The following SLC13A4 variants were observed in gnomAD, a reference collection of about 807,000 sequenced individuals.
SLC13A4 encodes the protein Na(+)/sulfate cotransporter SUT-1.
SLC13A4 carries 28 observed loss-of-function variants against 72.7 expected under a neutral mutation model. The observed-to-expected ratio is 0.39, with a 90% CI of 0.29 to 0.53. The LOEUF (loss-of-function observed/expected upper bound fraction) is 0.53, where lower values mean the gene tolerates loss of function less well. Among genes scored for constraint, SLC13A4 ranks in the 20% least tolerant of loss-of-function variants. The pLI, the probability that SLC13A4 is intolerant of heterozygous loss-of-function variation, is 0.78. For synonymous variants in SLC13A4, 312 were observed against 325.5 expected, an observed-to-expected ratio of 0.96 and a Z score of 0.45; for missense variants, 653 against 788.0, an observed-to-expected ratio of 0.83 and a Z score of 2.05.
At chr7:135,721,617 AC>A in intron 1 of SLC13A4, 94 bp from the exon 2 acceptor site, 1 of 1,517,512 alleles carries the variant, frequency 6.6e-7, no homozygotes, top group Non-Finnish European at 9.0e-7. Context: ...GCAGACTCAG[AC>A]TGTAACGCGG....
At chr7:135,692,215 G>T in intron 11 of SLC13A4, 108 bp downstream of exon 11, 1 of 817,548 alleles carries the variant, frequency 1.2e-6, no homozygotes, top group South Asian at 1.5e-5. Flanking sequence ...GGATTTCCTG[G>T]GGAATGAAAT....
intron 2 of SLC13A4, among the ~76,000 whole-genome samples, chr7:135,719,033 A>T (rs1390047297): frequency 6.6e-6 from 1 of 152,218 alleles, no homozygotes; most frequent in East Asian, 1.9e-4. Flanking sequence ...TCATCAGCCA[A>T]AGCCACGTCA....
chr7:135,691,301 C>T lies in SLC13A4; in HGVS notation c.1346G>A (p.Gly449Glu). 1 of 1,613,554 alleles carries T rather than the reference C, an allele frequency of 6.2e-7. No homozygotes were observed. Among genetic ancestry groups the T allele is most frequent in the Non-Finnish European group, 8.5e-7 (1 of 1,179,792 alleles). ...CTTCCACGTGATGATGGGCTCGGTCCCCAGTGAGTGCTCCTGGTTCTCTCC... is the reference window on the plus strand; with the variant it reads ...CTTCCACGTGATGATGGGCTCGGTCTCCAGTGAGTGCTCCTGGTTCTCTCC... ...NDGENQEHSL[G>E]TEPIITWKDF... is the part of the protein sequence containing the mutation. The change falls in exon 13 of 16, where the codon GGG (glycine) becomes GAG (glutamate). Residue 449 changes from glycine (G) to glutamate (E), a missense_variant. Gly to Glu is a moderately conservative substitution (Grantham distance 98). Transcript: ENST00000682651.
intron 2 of SLC13A4, among the ~76,000 whole-genome samples, chr7:135,716,566 GCCTCC>G (rs1229137151): frequency 1.1e-4 from 16 of 152,340 alleles, no homozygotes; most frequent in Admixed American, 8.5e-4. Flanking sequence ...GCCTGCCTTG[GCCTCC>G]CAAAGTGCTG....
intron 8 of SLC13A4, 41 bp from the exon 9 acceptor site, chr7:135,695,528 G>T (rs765344932): frequency 7.0e-5 from 112 of 1,596,464 alleles, no homozygotes; most frequent in Non-Finnish European, 9.1e-5. Context: ...GAAAGGGAGG[G>T]TTTCCATATG....
chr7:135,714,877 G>A (rs1186435546), intron 2 of SLC13A4, among the ~76,000 whole-genome samples: 1 of 152,236 alleles, frequency 6.6e-6, no homozygotes, highest in African/African-American at 2.4e-5. Flanking sequence ...CTGCCCCTGC[G>A]GGAGCTGGAA....
chr7:135,685,387 G>A, intron 14 of SLC13A4, 135 bp downstream of exon 14: 1 of 656,130 alleles, frequency 1.5e-6, no homozygotes, highest in South Asian at 2.6e-5. Context: ...AATAGGAATT[G>A]AACACCAATT....
chr7:135,699,167 C>G (rs1306359370), intron 8 of SLC13A4, among the ~76,000 whole-genome samples, 197 bp downstream of exon 8: 1 of 152,122 alleles, frequency 6.6e-6, no homozygotes, highest in Admixed American at 6.6e-5. Flanking sequence ...TTTTGAACTC[C>G]TAGGCTCAAG....
chr7:135,723,161 T>A (rs531044061), intron 1 of SLC13A4, among the ~76,000 whole-genome samples: 4 of 152,260 alleles, frequency 2.6e-5, no homozygotes, highest in African/African-American at 9.6e-5. Flanking sequence ...GGTCTGGTTC[T>A]CGTTGCTCTT....
At chr7:135,699,258 CG>C in intron 8 of SLC13A4, 105 bp downstream of exon 8, 1 of 1,160,202 alleles carries the variant, frequency 8.6e-7, no homozygotes. Flanking sequence ...CCTCTTTCTA[CG>C]GAAACTCTTC....
rs1296337919 is a variant in SLC13A4, at chr7:135,721,429, A to C, written c.194T>G (p.Leu65Arg). ...LGAAALVPAF[L>R]YPFFGVLRSN... ...CCGGAGGACTCCGAAGAACGGGTAA[A>C]GGAAGGCCGGCACCAGGGCTGCAGC... is the stretch of plus-strand genomic sequence containing the variant. The change falls in exon 2 of 16, where the codon CTT becomes CGT. Residue 65 changes from leucine (L) to arginine (R), a missense_variant. Coordinates refer to ENST00000682651, the MANE Select transcript of SLC13A4 (RefSeq NM_001318192.2). 6.2e-7 allele frequency: 1 copy of C among 1,614,096 alleles called. No homozygotes were observed. The highest frequency in any genetic ancestry group is 8.5e-7 in the Non-Finnish European group (1 of 1,179,962).
At chr7:135,716,756 C>T (rs902075605) in intron 2 of SLC13A4, among the ~76,000 whole-genome samples, 2 of 152,184 alleles carry the variant, frequency 1.3e-5, no homozygotes, top group African/African-American at 2.4e-5. Context: ...AGTTACTTAA[C>T]CTCTCTGAAC....
intron 5 of SLC13A4, 100 bp downstream of exon 5, chr7:135,705,496 G>C: frequency 1.8e-6 from 2 of 1,095,364 alleles, no homozygotes; most frequent in South Asian, 1.4e-5. Flanking sequence ...AGCTTGGGTG[G>C]TACATCTCAA....
At chr7:135,711,645 C>T (rs1156411607) in intron 2 of SLC13A4, among the ~76,000 whole-genome samples, 2 of 152,198 alleles carry the variant, frequency 1.3e-5, no homozygotes, top group Non-Finnish European at 2.9e-5. Flanking sequence ...GCCTCCTAGA[C>T]AGCCTGCCAC....
At chr7:135,722,257 AAAACAAGC>A (rs1796564520) in intron 1 of SLC13A4, among the ~76,000 whole-genome samples, 2 of 144,814 alleles carry the variant, frequency 1.4e-5, no homozygotes, top group Non-Finnish European at 3.0e-5. Flanking sequence ...CTGTCTCAAA[AAAACAAGC>A]AAACAAACAA....
chr7:135,681,806 T>A, intron 15 of SLC13A4, 106 bp from the exon 16 acceptor site: 1 of 1,483,382 alleles, frequency 6.7e-7, no homozygotes, highest in East Asian at 2.3e-5. Flanking sequence ...CCCAGATTAG[T>A]TCCCAGTTGC....
chr7:135,697,689 T>C (rs1207604444), intron 8 of SLC13A4, among the ~76,000 whole-genome samples: 1 of 152,120 alleles, frequency 6.6e-6, no homozygotes, highest in East Asian at 1.9e-4. Flanking sequence ...CTCAGAGCCT[T>C]TCAGATGCAG....
intron 15 of SLC13A4, chr7:135,683,277 T>G: frequency 5.5e-6 from 4 of 725,662 alleles, no homozygotes; most frequent in Non-Finnish European, 6.5e-6. Flanking sequence ...CCAGCCTGGG[T>G]GAGAGTGAGA....
intron 2 of SLC13A4, among the ~76,000 whole-genome samples, chr7:135,714,918 G>A (rs73454430): frequency 0.015 from 2,282 of 152,304 alleles, 58 homozygotes; most frequent in African/African-American, 0.051. Context: ...GGCCTGCAGC[G>A]CAGGGCCAGA....
Sources: allele counts gnomAD v4.1 joint callset (sites outside exome capture counted in the v4.1 genomes callset), GRCh38; gene constraint gnomAD v4.1.1; transcripts MANE v1.5; gene names NCBI Gene and HGNC (gene_info 2026-07-23, HGNC 2026-07-21).